The following ADAMTS12 variants were observed in gnomAD, a reference collection of about 807,000 sequenced individuals.
ADAMTS12 encodes A disintegrin and metalloproteinase with thrombospondin motifs 12.
Under a neutral mutation model 167.8 loss-of-function variants are expected in ADAMTS12, and 118 were observed. That is an observed-to-expected ratio of 0.70 (90% CI 0.61 to 0.82). The LOEUF is 0.82. ADAMTS12 is among the 40% of genes least tolerant of loss of function. The probability of loss-of-function intolerance (pLI) is 0.00; values close to 1 mark genes in which losing one functional copy is unlikely to be tolerated. For missense variants in ADAMTS12, 1,916 were observed against 1,998.8 expected (o/e 0.96, Z 0.79); for synonymous variants, 704 against 716.9 (o/e 0.98, Z 0.29).
intron 1 of ADAMTS12, 84 bp from the exon 2 acceptor site, chr5:33,881,564 C>T (rs1580016075): frequency 4.8e-6 from 6 of 1,254,130 alleles, no homozygotes; most frequent in Non-Finnish European, 6.5e-6. Flanking sequence ...TGAATGCTAG[C>T]TTTTTTTTTT....
chr5:33,681,605 C>T (rs1742116946), intron 5 of ADAMTS12, among the ~76,000 whole-genome samples: 1 of 152,142 alleles, frequency 6.6e-6, no homozygotes, highest in African/African-American at 2.4e-5. Flanking sequence ...TAAACAAATA[C>T]ACAGAATCAT....
intron 3 of ADAMTS12, among the ~76,000 whole-genome samples, chr5:33,704,374 T>C (rs1411508991): frequency 1.3e-5 from 2 of 152,198 alleles, no homozygotes; most frequent in African/African-American, 2.4e-5. Context: ...AGAAGCGGGA[T>C]TGCTGGATTA....
intron 3 of ADAMTS12, among the ~76,000 whole-genome samples, chr5:33,723,221 A>G (rs1743865165): frequency 1.3e-5 from 2 of 152,176 alleles, no homozygotes. Context: ...GGTCTTGTGT[A>G]AAGGTTTTGA....
intron 2 of ADAMTS12, among the ~76,000 whole-genome samples, chr5:33,846,294 A>G (rs1199026365): frequency 6.6e-6 from 1 of 152,252 alleles, no homozygotes; most frequent in Non-Finnish European, 1.5e-5. Context: ...TAGATGTCCC[A>G]TATGTTTGAT....
At chr5:33,724,300 G>C (rs531783891) in intron 3 of ADAMTS12, among the ~76,000 whole-genome samples, 8 of 152,282 alleles carry the variant, frequency 5.3e-5, no homozygotes, top group South Asian at 2.1e-4. Context: ...AGGTCAGGGA[G>C]GGGCAGGGAC....
At chr5:33,570,027 A>G (rs958138385) in intron 19 of ADAMTS12, among the ~76,000 whole-genome samples, 4 of 152,200 alleles carry the variant, frequency 2.6e-5, no homozygotes, top group Admixed American at 2.6e-4. Context: ...GAAATGAAGC[A>G]AGAAGGGAAG....
rs1230137674 is a variant in ADAMTS12, at chr5:33,608,280, G to A, written c.2527+5958C>T. On this transcript the variant is annotated intron_variant, in intron 16 of 23. Transcript: ENST00000504830. Reference sequence around the variant, plus strand: ...TACAATCTGGCAAAGGAGATAAGACGTGCACACAAATATTATAATTAAAAT... The same window carrying A: ...TACAATCTGGCAAAGGAGATAAGACATGCACACAAATATTATAATTAAAAT... 4.6e-5 allele frequency among the ~76,000 whole-genome samples: 7 copies of A among 152,164 alleles called. No individual in the cohort carries two copies. The East Asian group carries it at 7.7e-4, about 17-fold the overall frequency.
chr5:33,723,123 C>T (rs140735240), intron 3 of ADAMTS12, among the ~76,000 whole-genome samples: 4 of 152,266 alleles, frequency 2.6e-5, no homozygotes, highest in African/African-American at 9.6e-5. Context: ...GTATGCCTTG[C>T]TCTAAATGCC....
rs143055455 is a variant in ADAMTS12, at chr5:33,725,697, G to A, written c.634+25707C>T. On this transcript the variant is annotated intron_variant, in intron 3 of 23. Coordinates refer to ENST00000504830, the MANE Select transcript of ADAMTS12 (RefSeq NM_030955.4). ...GAATGGCCTTGCCAGACACATCGGC[G>A]AGGAAGCCCTCACGTTGTGAAGTTT... Among the ~76,000 whole-genome samples the A allele has an allele frequency of 6.5e-3, 995 of 152,320 alleles. 9 individuals carry two copies. Among genetic ancestry groups the A allele is most frequent in the African/African-American group, 0.023 (953 of 41,570 alleles).
At chr5:33,599,047 C>T (rs189444710) in intron 16 of ADAMTS12, among the ~76,000 whole-genome samples, 99 of 152,278 alleles carry the variant, frequency 6.5e-4, no homozygotes, top group Non-Finnish European at 6.6e-4. Context: ...TTGGATCAAC[C>T]GGCTTAGGTG....
chr5:33,662,660 T>C (rs910028284), intron 5 of ADAMTS12, among the ~76,000 whole-genome samples: 9 of 152,194 alleles, frequency 5.9e-5, no homozygotes, highest in Non-Finnish European at 1.3e-4. Context: ...CTGAGGCCTA[T>C]GCCAGCCCTG....
At chr5:33,569,498 A>T (rs1163432508) in intron 19 of ADAMTS12, among the ~76,000 whole-genome samples, 1 of 152,200 alleles carries the variant, frequency 6.6e-6, no homozygotes, top group African/African-American at 2.4e-5. Flanking sequence ...TCTGGAGTGG[A>T]CCTCTAGCAA....
At chr5:33,791,046 C>G (rs1481891392) in intron 2 of ADAMTS12, among the ~76,000 whole-genome samples, 1 of 152,006 alleles carries the variant, frequency 6.6e-6, no homozygotes, top group Non-Finnish European at 1.5e-5. Flanking sequence ...AGCAATCTAG[C>G]CAGATCTAAA....
intron 2 of ADAMTS12, among the ~76,000 whole-genome samples, chr5:33,859,290 G>C (rs1749517896): frequency 6.6e-6 from 1 of 152,226 alleles, no homozygotes; most frequent in Non-Finnish European, 1.5e-5. Context: ...ACAGCAGTCT[G>C]AAGTTGATCC....
At chr5:33,556,469 A>G (rs1745491522) in intron 20 of ADAMTS12, among the ~76,000 whole-genome samples, 1 of 152,212 alleles carries the variant, frequency 6.6e-6, no homozygotes, top group African/African-American at 2.4e-5. Context: ...GTCCTCTGTC[A>G]TGTTGTAAGG....
Position 33,891,811 on chromosome 5 carries a change from C to G in ADAMTS12, c.46G>C (p.Ala16Pro). Residue 16 changes from alanine (A) to proline (P), a missense_variant, in exon 1 of 24, where the codon GCT becomes CCT. Ala to Pro is a conservative substitution (Grantham distance 27). Coordinates refer to ENST00000504830, the MANE Select transcript of ADAMTS12 (RefSeq NM_030955.4). ...AGCGCCCCAAAGTTAAGGAGCTGAG[C>G]CACCACGGAAAGGTTTGCAAGCCAG... Reference protein sequence around the residue: ...RSWLANLSVVAQLLNFGALCY... With the variant: ...RSWLANLSVVPQLLNFGALCY... The G allele has an allele frequency of 1.2e-6, 2 of 1,614,218 alleles. No individual in the cohort carries two copies. The highest frequency in any genetic ancestry group is 1.7e-6 in the Non-Finnish European group (2 of 1,180,042).
intron 2 of ADAMTS12, among the ~76,000 whole-genome samples, chr5:33,815,757 A>G (rs1218151147): frequency 1.3e-5 from 2 of 152,200 alleles, no homozygotes; most frequent in African/African-American, 4.8e-5. Flanking sequence ...TTTTACCCAG[A>G]TCGCAAAGGT....
chr5:33,797,213 C>T (rs1476146199), intron 2 of ADAMTS12, among the ~76,000 whole-genome samples: 1 of 152,172 alleles, frequency 6.6e-6, no homozygotes, highest in Non-Finnish European at 1.5e-5. Flanking sequence ...AGAATTTAGA[C>T]TTCACTTTTA....
At chr5:33,837,212 G>A (rs544852776) in intron 2 of ADAMTS12, among the ~76,000 whole-genome samples, 2 of 152,380 alleles carry the variant, frequency 1.3e-5, no homozygotes, top group South Asian at 2.1e-4. Flanking sequence ...GAGTAGGGGA[G>A]TGGACAGACA....
Sources: gnomAD v4.1 joint callset for allele counts (sites outside exome capture counted in the v4.1 genomes callset) on GRCh38, gnomAD v4.1.1 for gene constraint, MANE v1.5 for transcripts, NCBI Gene and HGNC (gene_info 2026-07-23, HGNC 2026-07-21) for gene names.